PARD3: variants seen among roughly 807,000 people sequenced by gnomAD.
PARD3 encodes the protein partitioning defective 3 homolog.
PARD3 carries 75 observed loss-of-function variants against 155.4 expected under a neutral mutation model. That is an observed-to-expected ratio of 0.48 (90% CI 0.40 to 0.58). The LOEUF is 0.58. PARD3 is among the 20% of genes least tolerant of loss of function. The probability of loss-of-function intolerance (pLI) is 0.00; values close to 1 mark genes in which losing one functional copy is unlikely to be tolerated. For missense variants in PARD3, 1,642 were observed against 1,721.7 expected, an observed-to-expected ratio of 0.95 and a Z score of 0.82; for synonymous variants, 576 against 610.5, an observed-to-expected ratio of 0.94 and a Z score of 0.83.
At chr10:34,281,454 G>T (rs1235379770) in intron 21 of PARD3, among the ~76,000 whole-genome samples, 1 of 152,124 alleles carries the variant, frequency 6.6e-6, no homozygotes, top group Non-Finnish European at 1.5e-5. Context: ...TACTCATGGA[G>T]GCTCTAGTCT....
Position 34,374,885 on chromosome 10 carries a change from G to C in PARD3, c.1657C>G (p.Pro553Ala). The C allele has an allele frequency of 6.2e-7, 1 of 1,613,856 alleles. No individual in the cohort carries two copies. Among genetic ancestry groups the C allele is most frequent in the Non-Finnish European group, 8.5e-7 (1 of 1,179,882 alleles). Residue 553 changes from proline (P) to alanine (A), a missense_variant, in exon 11 of 25, where the codon CCA (proline) becomes GCA (alanine). Transcript: ENST00000374788. ...CTAAATTTACACACCAGTTCCCTTG[G>C]GTGGAAGGCGTCTTCCTGGCGAAAG... ...LVFRQEDAFH[P>A]RELNAEPSQM... is the part of the protein sequence containing the mutation.
chr10:34,200,276 T>A (rs2053449), intron 22 of PARD3, among the ~76,000 whole-genome samples: 7,591 of 152,192 alleles, frequency 0.05, 241 homozygotes, highest in East Asian at 0.15. Context: ...TAGAGGCAGT[T>A]AGAGCAAGAC....
At chr10:34,422,167 A>G (rs2075346446) in intron 5 of PARD3, among the ~76,000 whole-genome samples, 1 of 151,880 alleles carries the variant, frequency 6.6e-6, no homozygotes, top group African/African-American at 2.4e-5. Flanking sequence ...AGTAGATAAT[A>G]TCATGGATTT....
intron 22 of PARD3, among the ~76,000 whole-genome samples, chr10:34,255,461 G>A (rs1466001022): frequency 6.6e-6 from 1 of 152,184 alleles, no homozygotes; most frequent in African/African-American, 2.4e-5. Flanking sequence ...CTAAGTACCT[G>A]ATACAGGTTC....
chr10:34,763,482 TA>T (rs1837709053), intron 1 of PARD3, among the ~76,000 whole-genome samples: 1 of 152,156 alleles, frequency 6.6e-6, no homozygotes, highest in Non-Finnish European at 1.5e-5. Flanking sequence ...TCATTCCCTG[TA>T]TCATTGCAAC....
chr10:34,563,143 A>G (rs1032856938), intron 2 of PARD3, among the ~76,000 whole-genome samples: 1 of 152,174 alleles, frequency 6.6e-6, no homozygotes, highest in Non-Finnish European at 1.5e-5. Flanking sequence ...TACTAACCAT[A>G]ACACTACAAT....
chr10:34,695,250 G>A (rs888783621), intron 2 of PARD3, among the ~76,000 whole-genome samples: 2 of 152,172 alleles, frequency 1.3e-5, no homozygotes, highest in African/African-American at 4.8e-5. Flanking sequence ...GCCAAAGCAG[G>A]CGGATCATGA....
intron 22 of PARD3, among the ~76,000 whole-genome samples, chr10:34,235,545 C>T (rs1953176422): frequency 6.6e-6 from 1 of 152,056 alleles, no homozygotes; most frequent in African/African-American, 2.4e-5. Context: ...TGCTTTTTTT[C>T]CCCAATTCAT....
intron 22 of PARD3, among the ~76,000 whole-genome samples, chr10:34,184,715 T>C (rs989123446): frequency 3.3e-5 from 5 of 150,824 alleles, no homozygotes; most frequent in African/African-American, 9.7e-5. Flanking sequence ...TTTTTTTTTT[T>C]CCCTCAAGGA....
intron 1 of PARD3, among the ~76,000 whole-genome samples, chr10:34,787,430 T>C (rs1232390051): frequency 1.3e-5 from 2 of 152,148 alleles, no homozygotes; most frequent in African/African-American, 2.4e-5. Context: ...AAAGACAAGG[T>C]ACTAATCAGA....
chr10:34,170,012 A>C (rs932841618), intron 22 of PARD3, among the ~76,000 whole-genome samples: 1 of 152,200 alleles, frequency 6.6e-6, no homozygotes, highest in Non-Finnish European at 1.5e-5. Flanking sequence ...AGAATCCTTA[A>C]CATATACTCA....
At chr10:34,440,082 A>G in intron 5 of PARD3, among the ~76,000 whole-genome samples, 1 of 152,202 alleles carries the variant, frequency 6.6e-6, no homozygotes, top group East Asian at 1.9e-4. Flanking sequence ...GGGCCATTTC[A>G]AGACCATGTT....
intron 1 of PARD3, among the ~76,000 whole-genome samples, chr10:34,750,964 C>T (rs1369878532): frequency 6.6e-6 from 1 of 152,204 alleles, no homozygotes; most frequent in African/African-American, 2.4e-5. Context: ...GCTGTGATTA[C>T]AGGCGTGAGC....
At chr10:34,681,754 ATATATATATATATATTTTTTTTTTTTT>A (rs1356330169) in intron 2 of PARD3, among the ~76,000 whole-genome samples, 21 of 19,002 alleles carry the variant, frequency 1.1e-3, no homozygotes, top group African/African-American at 4.9e-3. Flanking sequence ...ATATATATAT[ATATATATATATATATTTTTTTTTTTTT>A]TTTTTTTTTT....
intron 12 of PARD3, among the ~76,000 whole-genome samples, chr10:34,361,853 T>C (rs531840685): frequency 4.6e-5 from 7 of 152,198 alleles, no homozygotes; most frequent in Non-Finnish European, 8.8e-5. Context: ...TTAAAACTTA[T>C]ATAATGAAGA....
intron 2 of PARD3, among the ~76,000 whole-genome samples, chr10:34,566,794 G>A (rs1055043526): frequency 2.6e-5 from 4 of 152,112 alleles, no homozygotes; most frequent in Admixed American, 2.0e-4. Context: ...TCCCACATCA[G>A]GCCAAATAAA....
At chr10:34,465,160 C>T (rs571953535) in intron 4 of PARD3, among the ~76,000 whole-genome samples, 3 of 152,126 alleles carry the variant, frequency 2.0e-5, no homozygotes, top group African/African-American at 7.2e-5. Flanking sequence ...ACAGACACAA[C>T]CATTGTTTTT....
rs772132661 is a variant in PARD3 at position 34,117,673 on chromosome 10, G to T, written c.3668+1940C>A. Reference sequence around the variant, plus strand: ...ACACCTGTAATCCCAGCACTTTGGGGGGCTAAGGTGGGCAGATCACTTGAG... The same window carrying T: ...ACACCTGTAATCCCAGCACTTTGGGTGGCTAAGGTGGGCAGATCACTTGAG... On this transcript the variant is annotated intron_variant, in intron 24 of 24. Transcript: ENST00000374788. Among the ~76,000 whole-genome samples, 237 of 152,212 alleles carry T rather than the reference G, an allele frequency of 1.6e-3. 3 individuals are homozygous for T. Among genetic ancestry groups the T allele is most frequent in the Non-Finnish European group, 5.1e-4 (35 of 67,996 alleles).
At chr10:34,743,183 C>A (rs1317335708) in intron 1 of PARD3, among the ~76,000 whole-genome samples, 1 of 152,170 alleles carries the variant, frequency 6.6e-6, no homozygotes, top group African/African-American at 2.4e-5. Flanking sequence ...AATGTGTCCA[C>A]AGAAAGAACC....
Sources: allele counts gnomAD v4.1 joint callset (sites outside exome capture counted in the v4.1 genomes callset), GRCh38; gene constraint gnomAD v4.1.1; transcripts MANE v1.5; gene names NCBI Gene and HGNC (gene_info 2026-07-23, HGNC 2026-07-21).